The following MTFR1 variants were observed in gnomAD, a reference collection of about 807,000 sequenced individuals.
MTFR1 encodes chondrocyte protein with a poly-proline region.
In MTFR1, 28 loss-of-function variants were observed where a neutral mutation model predicts 38.8. That is an observed-to-expected ratio of 0.72 (90% CI 0.53 to 0.99). MTFR1 has a LOEUF of 0.99. Among genes scored for constraint, MTFR1 ranks in the 50% least tolerant of loss-of-function variants. MTFR1 has a pLI of 0.00. For missense variants in MTFR1, 358 were observed against 395.5 expected (o/e 0.91, Z 0.81); for synonymous variants, 145 against 137.0 (o/e 1.06, Z -0.41).
intron 3 of MTFR1, chr8:65,747,594 A>G (rs1290160100): frequency 1.9e-6 from 2 of 1,047,032 alleles, no homozygotes; most frequent in East Asian, 5.0e-5. Flanking sequence ...TATGGGGAAT[A>G]AAGGCCTTCA....
At chr8:65,737,441 G>A (rs1035580933) in intron 3 of MTFR1, among the ~76,000 whole-genome samples, 5 of 152,130 alleles carry the variant, frequency 3.3e-5, no homozygotes, top group African/African-American at 1.2e-4. Flanking sequence ...TGTATCTGTA[G>A]AGTCACACAG....
intron 3 of MTFR1, among the ~76,000 whole-genome samples, chr8:65,767,938 G>C (rs957347561): frequency 6.6e-6 from 1 of 152,318 alleles, no homozygotes; most frequent in Non-Finnish European, 1.5e-5. Context: ...AGTTCCAGAG[G>C]CCAGGACTTG....
rs1805370933 is a variant in MTFR1 at position 65,694,306 on chromosome 8, C to T, written c.281+547C>T. ...GCCAGGCTGGTCTTGATCTCCTGAC[C>T]TCAGATGATCCACCCGCCTTGCCCT... On this transcript the variant is annotated intron_variant, in intron 4 of 7. Coordinates refer to ENST00000262146, the MANE Select transcript of MTFR1 (RefSeq NM_014637.4). Among the ~76,000 whole-genome samples the T allele has an allele frequency of 2.0e-5, 3 of 151,938 alleles. No individual in the cohort carries two copies. The South Asian group carries it at 6.2e-4, about 32-fold the overall frequency.
chr8:65,655,619 G>A (rs971098236), intron 1 of MTFR1, among the ~76,000 whole-genome samples: 1 of 152,058 alleles, frequency 6.6e-6, no homozygotes, highest in East Asian at 1.9e-4. Flanking sequence ...GGATAGCAGT[G>A]GTCCCTGGAC....
intron 2 of MTFR1, among the ~76,000 whole-genome samples, chr8:65,679,225 A>AT (rs1489823509): frequency 6.6e-6 from 1 of 152,236 alleles, no homozygotes; most frequent in Non-Finnish European, 1.5e-5. Context: ...TTGTGACTAA[A>AT]TAGAAGACTC....
At chr8:65,663,960 C>G (rs2129049812) in intron 1 of MTFR1, among the ~76,000 whole-genome samples, 1 of 151,716 alleles carries the variant, frequency 6.6e-6, no homozygotes, top group Non-Finnish European at 1.5e-5. Flanking sequence ...GGATTGCAGA[C>G]AGGCACCACC....
At chr8:65,735,601 A>C (rs1005374596) in intron 3 of MTFR1, among the ~76,000 whole-genome samples, 1 of 151,990 alleles carries the variant, frequency 6.6e-6, no homozygotes, top group African/African-American at 2.4e-5. Flanking sequence ...GTGAGCCACT[A>C]TGCCCCACCT....
intron 3 of MTFR1, among the ~76,000 whole-genome samples, chr8:65,688,038 T>G (rs1381045128): frequency 6.7e-6 from 1 of 149,516 alleles, no homozygotes; most frequent in African/African-American, 2.5e-5. Context: ...AGACAGAGGT[T>G]GCAGTGAGCT....
intron 1 of MTFR1, among the ~76,000 whole-genome samples, chr8:65,647,173 A>G (rs67686346): frequency 0.18 from 27,834 of 152,238 alleles, 2,708 homozygotes; most frequent in Middle Eastern, 0.22. Context: ...TGAAAGGATT[A>G]GCAGTTGGTT....
At chr8:65,705,080 C>CT in intron 5 of MTFR1, 151 bp downstream of exon 5, 2 of 675,660 alleles carry the variant, frequency 3.0e-6, no homozygotes, top group Non-Finnish European at 4.9e-6. Context: ...AATCCCAGCA[C>CT]TTTGGGAGGC....
intron 3 of MTFR1, among the ~76,000 whole-genome samples, chr8:65,737,299 T>A (rs1462964614): frequency 6.6e-6 from 1 of 151,922 alleles, no homozygotes; most frequent in Non-Finnish European, 1.5e-5. Context: ...GGCAACAGGA[T>A]GAAGGGATAA....
intron 3 of MTFR1, among the ~76,000 whole-genome samples, chr8:65,753,833 CT>C (rs1348745268): frequency 1.3e-5 from 2 of 152,128 alleles, no homozygotes; most frequent in Non-Finnish European, 2.9e-5. Flanking sequence ...ATTATTATAT[CT>C]TCCTGCTGGA....
At chr8:65,757,519 T>G (rs1808290099) in intron 3 of MTFR1, among the ~76,000 whole-genome samples, 1 of 152,228 alleles carries the variant, frequency 6.6e-6, no homozygotes, top group Admixed American at 6.5e-5. Flanking sequence ...GGCAGTAGTT[T>G]GGCAAACATA....
intron 3 of MTFR1, among the ~76,000 whole-genome samples, chr8:65,747,444 C>A (rs1390950697): frequency 6.6e-6 from 1 of 152,094 alleles, no homozygotes; most frequent in Admixed American, 6.5e-5. Context: ...AACATTGTCA[C>A]TACTTTAGTT....
intron 3 of MTFR1, chr8:65,739,552 C>T: frequency 6.4e-7 from 1 of 1,563,918 alleles, no homozygotes; most frequent in South Asian, 1.3e-5. Context: ...CTCAATTAAT[C>T]CATGAAGACT....
intron 3 of MTFR1, among the ~76,000 whole-genome samples, chr8:65,760,303 A>C (rs1031898587): frequency 1.3e-5 from 2 of 152,262 alleles, no homozygotes; most frequent in African/African-American, 2.4e-5. Flanking sequence ...CATCACTTTT[A>C]CTAGCCATGT....
intron 1 of MTFR1, among the ~76,000 whole-genome samples, chr8:65,668,431 G>A (rs936975132): frequency 1.7e-4 from 25 of 148,510 alleles, no homozygotes; most frequent in Non-Finnish European, 2.5e-4. Context: ...CAAGTGATCC[G>A]CCCGCCTCAG....
chr8:65,741,921 G>A (rs919572565), intron 3 of MTFR1, among the ~76,000 whole-genome samples: 3 of 152,188 alleles, frequency 2.0e-5, no homozygotes, highest in African/African-American at 7.2e-5. Flanking sequence ...GTGCAGTGAA[G>A]AAACACATGT....
intron 3 of MTFR1, chr8:65,747,740 C>T (rs866979142): frequency 1.9e-6 from 3 of 1,609,312 alleles, no homozygotes; most frequent in East Asian, 2.2e-5. Context: ...TCTAAGATAT[C>T]GCTGGAAACT....
Sources: gnomAD v4.1 joint callset for allele counts (sites outside exome capture counted in the v4.1 genomes callset) on GRCh38, gnomAD v4.1.1 for gene constraint, MANE v1.5 for transcripts, NCBI Gene and HGNC (gene_info 2026-07-23, HGNC 2026-07-21) for gene names.